The following XDH variants were observed in gnomAD, a reference collection of about 807,000 sequenced individuals.
The protein encoded by XDH is xanthine dehydrogenase/oxidase.
In XDH, 138 loss-of-function variants were observed where a neutral mutation model predicts 156.1. That is an observed-to-expected ratio of 0.88 (90% CI 0.77 to 1.02). The LOEUF is 1.02. XDH is among the 50% of genes least tolerant of loss of function. The probability of loss-of-function intolerance (pLI) is 0.00; values close to 1 mark genes in which losing one functional copy is unlikely to be tolerated. For missense variants in XDH, 1,849 were observed against 1,684.9 expected (o/e 1.10, Z -1.71); for synonymous variants, 669 against 625.7 (o/e 1.07, Z -1.03).
intron 16 of XDH, among the ~76,000 whole-genome samples, chr2:31,373,619 A>C (rs1417696334): frequency 1.3e-5 from 2 of 152,146 alleles, no homozygotes; most frequent in Non-Finnish European, 2.9e-5. Context: ...TCACGTAAAA[A>C]AAAAAAATCT....
chr2:31,388,091 T>A, intron 7 of XDH, 136 bp downstream of exon 7: 1 of 1,106,278 alleles, frequency 9.0e-7, no homozygotes, highest in Non-Finnish European at 1.3e-6. Context: ...ACCATCACCA[T>A]CCCCACAGTC....
At chr2:31,343,579 G>GCCTTA (rs1685200521) in intron 31 of XDH, among the ~76,000 whole-genome samples, 1 of 93,530 alleles carries the variant, frequency 1.1e-5, no homozygotes, top group Admixed American at 9.6e-5. Context: ...TATATTCAGT[G>GCCTTA]TAATATCTAT....
intron 24 of XDH, among the ~76,000 whole-genome samples, chr2:31,362,423 C>A (rs1441462282): frequency 6.6e-6 from 1 of 152,152 alleles, no homozygotes; most frequent in Admixed American, 6.5e-5. Flanking sequence ...GTAAGCTTGT[C>A]CCAGTAAAGC....
chr2:31,391,689 T>G (rs1225910982), intron 6 of XDH, among the ~76,000 whole-genome samples: 2 of 152,234 alleles, frequency 1.3e-5, no homozygotes, highest in Admixed American at 1.3e-4. Flanking sequence ...TTGTAGTTTT[T>G]CTCACATAAA....
chr2:31,405,467 T>C (rs1009089267), intron 2 of XDH, among the ~76,000 whole-genome samples: 6 of 152,098 alleles, frequency 3.9e-5, no homozygotes, highest in African/African-American at 1.4e-4. Context: ...GATTCTTACC[T>C]CACGCATCCT....
At chr2:31,336,348 G>A (rs981532336) in intron 35 of XDH, among the ~76,000 whole-genome samples, 4 of 152,178 alleles carry the variant, frequency 2.6e-5, no homozygotes, top group African/African-American at 9.7e-5. Flanking sequence ...TTAAATCGCT[G>A]GTATGTTGTA....
chr2:31,383,256 T>G, intron 10 of XDH, 104 bp from the exon 11 acceptor site: 1 of 1,562,764 alleles, frequency 6.4e-7, no homozygotes, highest in South Asian at 1.1e-5. Flanking sequence ...CAAGGCTGAA[T>G]CAGGACTCAC....
intron 15 of XDH, 127 bp downstream of exon 15, chr2:31,375,253 G>A (rs1686212580): frequency 1.6e-6 from 2 of 1,250,238 alleles, no homozygotes; most frequent in East Asian, 2.3e-5. Flanking sequence ...TTCTTGTGCT[G>A]TGACCCTGGT....
intron 17 of XDH, 143 bp downstream of exon 17, chr2:31,372,085 C>T (rs767746498): frequency 2.5e-4 from 310 of 1,234,318 alleles, no homozygotes; most frequent in Admixed American, 4.6e-4. Context: ...ATAAGGTCTT[C>T]CCCTCTCTCT....
chr2:31,384,715 G>T (rs1686537212), intron 9 of XDH, among the ~76,000 whole-genome samples: 1 of 152,148 alleles, frequency 6.6e-6, no homozygotes, highest in Admixed American at 6.5e-5. Context: ...TTCTGAAGGG[G>T]GCCCTAGGCT....
chr2:31,406,856 T>C (rs1275901055), intron 1 of XDH, among the ~76,000 whole-genome samples: 3 of 152,204 alleles, frequency 2.0e-5, no homozygotes, highest in African/African-American at 7.2e-5. Context: ...TGGCATGTGA[T>C]GCGTATTAGT....
In XDH at chr2:31,368,672, G is replaced by C; in HGVS notation, c.1981-12C>G. ...CCAACACAAGTAACCTAGTAGCAGAGACAGACTGTTAAAGAACGCAACCAG... is the reference window on the plus strand; with the variant it reads ...CCAACACAAGTAACCTAGTAGCAGACACAGACTGTTAAAGAACGCAACCAG... On this transcript the variant is annotated splice_polypyrimidine_tract_variant and intron_variant, in intron 18 of 35. Transcript: ENST00000379416. 1.2e-6 allele frequency: 2 copies of C among 1,614,226 alleles called. No individual in the cohort carries two copies. Among genetic ancestry groups the C allele is most frequent in the Non-Finnish European group, 1.7e-6 (2 of 1,180,038 alleles).
intron 31 of XDH, among the ~76,000 whole-genome samples, 174 bp from the exon 32 acceptor site, chr2:31,342,471 T>C (rs903961532): frequency 6.6e-6 from 1 of 152,190 alleles, no homozygotes; most frequent in Non-Finnish European, 1.5e-5. Flanking sequence ...AACCCAGATA[T>C]TCCAGAACAT....
intron 24 of XDH, among the ~76,000 whole-genome samples, chr2:31,352,863 G>C (rs941386840): frequency 7.3e-5 from 11 of 150,524 alleles, no homozygotes; most frequent in Non-Finnish European, 1.3e-4. Context: ...GGGGAATGTC[G>C]GCTTTTCCTG....
intron 13 of XDH, among the ~76,000 whole-genome samples, chr2:31,378,097 A>C (rs1427862178): frequency 1.7e-5 from 1 of 59,394 alleles, no homozygotes; most frequent in African/African-American, 7.3e-5. Context: ...AAAGAAAGAA[A>C]GAAAGAAAGA....
At chr2:31,365,371 T>C (rs972350667) in intron 23 of XDH, 86 bp downstream of exon 23, 19 of 1,413,852 alleles carry the variant, frequency 1.3e-5, no homozygotes, top group Non-Finnish European at 1.7e-5. Flanking sequence ...AAAGTAGGAG[T>C]GCAGCTCAGG....
intron 13 of XDH, 35 bp downstream of exon 13, chr2:31,379,832 T>A: frequency 6.2e-7 from 1 of 1,602,432 alleles, no homozygotes; most frequent in Non-Finnish European, 8.6e-7. Context: ...TAGGACTTAT[T>A]TGAGCAGAGC....
intron 24 of XDH, among the ~76,000 whole-genome samples, chr2:31,363,652 T>A (rs1685834840): frequency 6.6e-6 from 1 of 152,136 alleles, no homozygotes; most frequent in Admixed American, 6.5e-5. Flanking sequence ...AAAAAGCAAT[T>A]CGAATTATTT....
intron 6 of XDH, among the ~76,000 whole-genome samples, chr2:31,390,367 G>A (rs1476323760): frequency 6.6e-6 from 1 of 152,180 alleles, no homozygotes; most frequent in Non-Finnish European, 1.5e-5. Context: ...TTTTGGCACT[G>A]AATTAACATT....
Sources: allele counts gnomAD v4.1 joint callset (sites outside exome capture counted in the v4.1 genomes callset), GRCh38; gene constraint gnomAD v4.1.1; transcripts MANE v1.5; gene names NCBI Gene and HGNC (gene_info 2026-07-23, HGNC 2026-07-21).